CLEC16A: variants seen among roughly 807,000 people sequenced by gnomAD.
CLEC16A encodes the protein protein CLEC16A.
In CLEC16A, 51 loss-of-function variants were observed where a neutral mutation model predicts 109.5. The ratio of observed to expected loss-of-function variants is 0.47; its 90% CI spans 0.37 to 0.59. The LOEUF (loss-of-function observed/expected upper bound fraction) is 0.59, where lower values mean the gene tolerates loss of function less well. Ranked by LOEUF, CLEC16A falls within the 20% of genes least tolerant of loss-of-function variation. CLEC16A has a pLI of 0.00. For synonymous variants in CLEC16A, 673 were observed against 564.2 expected, an observed-to-expected ratio of 1.19 and a Z score of -2.73; for missense variants, 1,339 against 1,394.0, an observed-to-expected ratio of 0.96 and a Z score of 0.63.
chr16:11,069,891 A>G (rs1348872262), intron 19 of CLEC16A, among the ~76,000 whole-genome samples: 1 of 152,248 alleles, frequency 6.6e-6, no homozygotes, highest in African/African-American at 2.4e-5. Flanking sequence ...AGTGTGTGGT[A>G]GGATGTGCAT....
At chr16:11,015,895 A>G (rs1597055492) in intron 11 of CLEC16A, among the ~76,000 whole-genome samples, 1 of 152,220 alleles carries the variant, frequency 6.6e-6, no homozygotes, top group African/African-American at 2.4e-5. Context: ...AGGTGGGCCT[A>G]TGCCACGTCC....
At chr16:10,946,600 A>T (rs894529421) in intron 1 of CLEC16A, among the ~76,000 whole-genome samples, 1 of 151,940 alleles carries the variant, frequency 6.6e-6, no homozygotes, top group African/African-American at 2.4e-5. Context: ...GTGGCTGAGG[A>T]GGGGAGGGGA....
At chr16:11,080,304 A>G (rs1251929016) in intron 19 of CLEC16A, among the ~76,000 whole-genome samples, 4 of 152,226 alleles carry the variant, frequency 2.6e-5, no homozygotes, top group Non-Finnish European at 5.9e-5. Flanking sequence ...TGCAGGATCA[A>G]GAAGAATACA....
rs1356488167 is a variant in CLEC16A, at chr16:10,972,545, T to C, written c.599-9T>C. 6.2e-7 allele frequency: 1 copy of C among 1,612,472 alleles called. No individual in the cohort carries two copies. The highest frequency in any genetic ancestry group is 1.3e-5 in the African/African-American group (1 of 74,932). On this transcript the variant is annotated splice_polypyrimidine_tract_variant and intron_variant, in intron 5 of 23. Coordinates refer to ENST00000409790, the MANE Select transcript of CLEC16A (RefSeq NM_015226.3). The stretch of plus-strand genomic sequence containing the variant: ...CCTTCAATGACGATTCCTGTGTTCC[T>C]TATTCCAGTGTCATGTAAGTTATTA...
At chr16:10,947,399 T>C (rs1204625199) in intron 1 of CLEC16A, among the ~76,000 whole-genome samples, 2 of 152,178 alleles carry the variant, frequency 1.3e-5, no homozygotes, top group Non-Finnish European at 2.9e-5. Context: ...TACAGTGTGA[T>C]AAGTGCTGAG....
intron 1 of CLEC16A, among the ~76,000 whole-genome samples, chr16:10,945,207 G>A (rs985555784): frequency 2.6e-5 from 4 of 152,170 alleles, no homozygotes; most frequent in African/African-American, 4.8e-5. Flanking sequence ...TGTGAATGTA[G>A]GCCTCAGGTT....
intron 22 of CLEC16A, chr16:11,156,759 C>T: frequency 1.1e-6 from 1 of 940,502 alleles, no homozygotes; most frequent in Non-Finnish European, 1.5e-6. Flanking sequence ...GCCCTGGCGA[C>T]CTTCAGTTCT....
Position 10,982,890 on chromosome 16 carries a change from A to G in CLEC16A, c.970A>G (p.Ile324Val). ...LYLLSQVFLI[I>V]HHAPLVNSLA... ...TTTTTTCCGCCAGGTCTTCTTAATT[A>G]TACATCATGCACCGCTGGTGAACTC... is the stretch of plus-strand genomic sequence containing the variant. The change falls in exon 10 of 24, where the codon ATA becomes GTA. Residue 324 changes from isoleucine to valine, a missense_variant. Coordinates refer to ENST00000409790, the MANE Select transcript of CLEC16A (RefSeq NM_015226.3). 3 of 1,599,896 alleles carry G rather than the reference A, an allele frequency of 1.9e-6. No homozygotes were observed. The highest frequency in any genetic ancestry group is 2.6e-6 in the Non-Finnish European group (3 of 1,167,134).
chr16:11,091,927 C>T (rs1433713035), intron 19 of CLEC16A, among the ~76,000 whole-genome samples: 1 of 152,058 alleles, frequency 6.6e-6, no homozygotes, highest in African/African-American at 2.4e-5. Flanking sequence ...GTTCTGACAC[C>T]CTGGGACTGC....
chr16:11,126,055 C>A lies in CLEC16A; in HGVS notation c.2550C>A (p.His850Gln). 1 of 1,613,986 alleles carries A rather than the reference C, an allele frequency of 6.2e-7. No homozygotes were observed. The highest frequency in any genetic ancestry group is 1.1e-5 in the South Asian group (1 of 91,084). Residue 850 changes from histidine to glutamine, a missense_variant, in exon 22 of 24, where the codon CAC becomes CAA. This residue lies in a region of CLEC16A where 1,061 missense variants were observed against 1,006.8 expected (regional missense o/e 1.05). Coordinates refer to ENST00000409790, the MANE Select transcript of CLEC16A (RefSeq NM_015226.3). ...FGLGSSTSTQ[H>Q]LPFRFYDQGR... ...TCGGCTCCTCCACCTCCACTCAGCACCTGCCTTTCCGCTTCTACGACCAGG... is the reference window on the plus strand; with the variant it reads ...TCGGCTCCTCCACCTCCACTCAGCAACTGCCTTTCCGCTTCTACGACCAGG...
chr16:11,131,926 G>T (rs1163299639), intron 22 of CLEC16A, among the ~76,000 whole-genome samples: 3 of 152,186 alleles, frequency 2.0e-5, no homozygotes, highest in Admixed American at 2.0e-4. Flanking sequence ...CAGGGCCTCT[G>T]TTTTCGTGCT....
At chr16:10,998,051 C>A (rs1325294898) in intron 10 of CLEC16A, among the ~76,000 whole-genome samples, 5 of 152,146 alleles carry the variant, frequency 3.3e-5, no homozygotes, top group African/African-American at 1.2e-4. Flanking sequence ...CCCTCCCATC[C>A]CATTGCTGCC....
chr16:11,057,677 A>T (rs2048278799), intron 18 of CLEC16A, among the ~76,000 whole-genome samples: 1 of 152,230 alleles, frequency 6.6e-6, no homozygotes, highest in Admixed American at 6.5e-5. Context: ...AATCTGAAAG[A>T]ATAATAATTT....
At chr16:11,122,191 A>T (rs1231120808) in intron 20 of CLEC16A, among the ~76,000 whole-genome samples, 1 of 152,126 alleles carries the variant, frequency 6.6e-6, no homozygotes, top group Admixed American at 6.5e-5. Context: ...CCACCCACAT[A>T]CTTGAAGCTA....
chr16:11,074,965 G>A (rs2152931411), intron 19 of CLEC16A, among the ~76,000 whole-genome samples: 1 of 152,246 alleles, frequency 6.6e-6, no homozygotes, highest in African/African-American at 2.4e-5. Flanking sequence ...TTGAGCCCAG[G>A]AGTTGGAGAC....
intron 15 of CLEC16A, 102 bp from the exon 16 acceptor site, chr16:11,043,926 A>G (rs2047489451): frequency 3.8e-6 from 3 of 783,638 alleles, no homozygotes; most frequent in Non-Finnish European, 6.0e-6. Flanking sequence ...ATATTAGTCC[A>G]GATCTGTTTT....
chr16:11,148,490 C>G (rs2054160513), intron 22 of CLEC16A, among the ~76,000 whole-genome samples: 1 of 152,186 alleles, frequency 6.6e-6, no homozygotes, highest in South Asian at 2.1e-4. Flanking sequence ...ACTCTTCTCA[C>G]TTAATCCTCA....
intron 2 of CLEC16A, among the ~76,000 whole-genome samples, chr16:10,959,492 A>C (rs112765347): frequency 0.1 from 15,543 of 152,206 alleles, 760 homozygotes; most frequent in East Asian, 0.12. Context: ...CCCAGTTTCA[A>C]GCAATTCTCC....
chr16:11,153,957 CAAG>C (rs2054401008), intron 22 of CLEC16A, among the ~76,000 whole-genome samples: 1 of 152,130 alleles, frequency 6.6e-6, no homozygotes, highest in Admixed American at 6.5e-5. Flanking sequence ...GGTCATCTGT[CAAG>C]AAGACACACA....
Sources: allele counts gnomAD v4.1 joint callset (sites outside exome capture counted in the v4.1 genomes callset), GRCh38; gene constraint gnomAD v4.1.1; regional missense constraint gnomAD v4.1.1; transcripts MANE v1.5; gene names NCBI Gene and HGNC (gene_info 2026-07-23, HGNC 2026-07-21).